The following KHDRBS2 variants were observed in gnomAD, a reference collection of about 807,000 sequenced individuals.
KHDRBS2 encodes KH domain-containing, RNA-binding, signal transduction-associated protein 2.
A neutral mutation model predicts 44.3 loss-of-function variants in KHDRBS2; 26 were observed. The observed-to-expected ratio is 0.59, with a 90% CI of 0.43 to 0.81. The LOEUF is 0.81. Ranked by LOEUF, KHDRBS2 falls within the 40% of genes least tolerant of loss-of-function variation. The pLI, the probability that KHDRBS2 is intolerant of heterozygous loss-of-function variation, is 0.00. For synonymous variants in KHDRBS2, 194 were observed against 151.1 expected, an observed-to-expected ratio of 1.28 and a Z score of -2.08; for missense variants, 476 against 433.1, an observed-to-expected ratio of 1.10 and a Z score of -0.88.
the KHDRBS2 span, among the ~76,000 whole-genome samples, chr6:61,620,205 A>G: frequency 6.6e-6 from 1 of 152,122 alleles, no homozygotes; most frequent in Admixed American, 6.5e-5. Flanking sequence ...AGAAGTTTAA[A>G]TCCACTTTCT....
intron 2 of KHDRBS2, among the ~76,000 whole-genome samples, chr6:62,079,095 G>T (rs770191614): frequency 1.4e-4 from 22 of 151,870 alleles, no homozygotes; most frequent in Non-Finnish European, 2.1e-4. Context: ...CATGAACTAA[G>T]CACAAACAAT....
chr6:61,771,353 A>G (rs1231071612), intron 6 of KHDRBS2, among the ~76,000 whole-genome samples: 1 of 152,218 alleles, frequency 6.6e-6, no homozygotes, highest in East Asian at 1.9e-4. Context: ...CTTTAAATGT[A>G]AATGGGCTAA....
intron 6 of KHDRBS2, among the ~76,000 whole-genome samples, chr6:61,833,198 T>A (rs1451220125): frequency 6.6e-6 from 1 of 152,174 alleles, no homozygotes; most frequent in Non-Finnish European, 1.5e-5. Context: ...TATGAAATTA[T>A]AGTTTGTGGA....
chr6:61,547,134 T>C, the KHDRBS2 span, among the ~76,000 whole-genome samples: 2 of 152,062 alleles, frequency 1.3e-5, no homozygotes, highest in Non-Finnish European at 2.9e-5. Context: ...TACACAGATA[T>C]AGAGAGAATG....
At chr6:61,834,965 C>T (rs956594853) in intron 6 of KHDRBS2, among the ~76,000 whole-genome samples, 3 of 152,098 alleles carry the variant, frequency 2.0e-5, no homozygotes, top group African/African-American at 7.2e-5. Context: ...TTCTTTCAAA[C>T]ATTAAATTCC....
chr6:61,543,756 G>A, the KHDRBS2 span, among the ~76,000 whole-genome samples: 1 of 152,146 alleles, frequency 6.6e-6, no homozygotes, highest in East Asian at 1.9e-4. Context: ...ACACAATGGA[G>A]TACTATTCAG....
the KHDRBS2 span, among the ~76,000 whole-genome samples, chr6:61,557,045 A>G: frequency 6.6e-6 from 1 of 152,096 alleles, no homozygotes; most frequent in East Asian, 1.9e-4. Flanking sequence ...ACAATAAAAA[A>G]GGCAAACAAT....
intron 2 of KHDRBS2, among the ~76,000 whole-genome samples, chr6:62,089,782 C>A (rs1360925743): frequency 3.3e-5 from 5 of 152,072 alleles, no homozygotes; most frequent in Non-Finnish European, 7.4e-5. Context: ...GTGTTGTTTT[C>A]TGTATCTATA....
At chr6:62,227,192 T>C (rs1234183012) in intron 1 of KHDRBS2, among the ~76,000 whole-genome samples, 1 of 152,186 alleles carries the variant, frequency 6.6e-6, no homozygotes, top group African/African-American at 2.4e-5. Flanking sequence ...TCCTCTCTTA[T>C]TTCCTTGAGA....
intron 8 of KHDRBS2, among the ~76,000 whole-genome samples, chr6:61,689,578 G>T (rs575128332): frequency 3.9e-4 from 60 of 151,992 alleles, no homozygotes; most frequent in African/African-American, 1.4e-3. Context: ...CTTGGCCCAT[G>T]ATTGAACCTA....
intron 6 of KHDRBS2, among the ~76,000 whole-genome samples, chr6:61,882,801 A>G (rs1800390939): frequency 1.3e-5 from 2 of 152,024 alleles, no homozygotes; most frequent in South Asian, 4.1e-4. Flanking sequence ...AAAGATCTCA[A>G]TCCTCATTAA....
At chr6:62,201,000 C>T (rs1826858327) in intron 1 of KHDRBS2, among the ~76,000 whole-genome samples, 1 of 152,114 alleles carries the variant, frequency 6.6e-6, no homozygotes, top group African/African-American at 2.4e-5. Context: ...AAACCAAACA[C>T]CGCGTGTTCT....
chr6:62,106,178 G>A (rs1036258070), intron 2 of KHDRBS2, among the ~76,000 whole-genome samples: 1 of 152,130 alleles, frequency 6.6e-6, no homozygotes, highest in African/African-American at 2.4e-5. Flanking sequence ...TACATTTGCT[G>A]AGGAGAGCTT....
At chr6:62,002,344 G>T (rs1403388725) in intron 3 of KHDRBS2, among the ~76,000 whole-genome samples, 53 of 151,370 alleles carry the variant, frequency 3.5e-4, no homozygotes, top group Non-Finnish European at 4.4e-5. Flanking sequence ...AAAAATGAAG[G>T]TTTATTTATT....
intron 2 of KHDRBS2, among the ~76,000 whole-genome samples, chr6:62,157,822 TCA>T (rs796734953): frequency 1.5e-4 from 23 of 152,298 alleles, no homozygotes; most frequent in African/African-American, 4.8e-4. Flanking sequence ...GGCTAAAAAT[TCA>T]GTTTGTAAAT....
chr6:61,617,839 T>C, the KHDRBS2 span, among the ~76,000 whole-genome samples: 1 of 152,144 alleles, frequency 6.6e-6, no homozygotes. Flanking sequence ...CTAGAAATAA[T>C]TAGAGAATTT....
intron 3 of KHDRBS2, among the ~76,000 whole-genome samples, chr6:61,986,824 C>A (rs1775135527): frequency 6.6e-6 from 1 of 152,102 alleles, no homozygotes; most frequent in African/African-American, 2.4e-5. Context: ...ACTAATCCCA[C>A]CATGGGGGAC....
chr6:62,250,237 T>A (rs1316185720), intron 1 of KHDRBS2, among the ~76,000 whole-genome samples: 1 of 152,112 alleles, frequency 6.6e-6, no homozygotes, highest in Non-Finnish European at 1.5e-5. Context: ...TAAATTATTG[T>A]TTAGACATGC....
At chr6:61,853,786 T>C (rs1335165022) in intron 6 of KHDRBS2, among the ~76,000 whole-genome samples, 1 of 152,232 alleles carries the variant, frequency 6.6e-6, no homozygotes, top group Admixed American at 6.5e-5. Flanking sequence ...ATGCAGTTTT[T>C]CATACATCAG....
Sources: gnomAD v4.1 joint callset for allele counts (sites outside exome capture counted in the v4.1 genomes callset) on GRCh38, gnomAD v4.1.1 for gene constraint, MANE v1.5 for transcripts, NCBI Gene and HGNC (gene_info 2026-07-23, HGNC 2026-07-21) for gene names.